Variants in DOCK8 observed in about 807,000 individuals in gnomAD.
DOCK8 encodes the protein dedicator of cytokinesis 8.
In DOCK8, 141 loss-of-function variants were observed where a neutral mutation model predicts 245.6. That is an observed-to-expected ratio of 0.57 (90% CI 0.50 to 0.66). The LOEUF (loss-of-function observed/expected upper bound fraction) is 0.66, where lower values mean the gene tolerates loss of function less well. Ranked by LOEUF, DOCK8 falls within the 30% of genes least tolerant of loss-of-function variation. DOCK8 has a pLI of 0.00. For synonymous variants in DOCK8, 1,168 were observed against 970.2 expected (o/e 1.20, Z -3.79); for missense variants, 2,965 against 2,603.4 (o/e 1.14, Z -3.02).
At chr9:341,756 T>G (rs1459474204) in intron 14 of DOCK8, among the ~76,000 whole-genome samples, 2 of 152,192 alleles carry the variant, frequency 1.3e-5, no homozygotes, top group Admixed American at 1.3e-4. Context: ...CTTGGCCTGT[T>G]AGGAACCAGG....
At chr9:372,933 G>C (rs908016439) in intron 18 of DOCK8, among the ~76,000 whole-genome samples, 6 of 152,142 alleles carry the variant, frequency 3.9e-5, no homozygotes, top group Non-Finnish European at 7.4e-5. Flanking sequence ...GGGAGGCCGA[G>C]GCAGGCAGAT....
chr9:372,043 C>T (rs535603906), intron 17 of DOCK8, 142 bp from the exon 18 acceptor site: 1 of 756,368 alleles, frequency 1.3e-6, no homozygotes, highest in African/African-American at 1.7e-5. Context: ...ATGCAAAGAA[C>T]TGGACAGAAA....
chr9:432,393 T>C, intron 37 of DOCK8, 69 bp downstream of exon 37: 14 of 1,356,896 alleles, frequency 1.0e-5, no homozygotes, highest in South Asian at 2.4e-5. Context: ...TATGTATGTA[T>C]GTACATATAT....
chr9:241,123 A>G (rs911744315), intron 1 of DOCK8, among the ~76,000 whole-genome samples: 52 of 152,190 alleles, frequency 3.4e-4, no homozygotes, highest in Admixed American at 3.4e-3. Context: ...ATAATTGTAC[A>G]TATTCATGGT....
At chr9:354,205 G>A (rs927747734) in intron 14 of DOCK8, among the ~76,000 whole-genome samples, 3 of 152,092 alleles carry the variant, frequency 2.0e-5, no homozygotes, top group East Asian at 1.9e-4. Flanking sequence ...GGTGACGGGC[G>A]CCTGTAGTCC....
At chr9:225,093 CCT>C (rs2046963051) in intron 1 of DOCK8, among the ~76,000 whole-genome samples, 1 of 152,158 alleles carries the variant, frequency 6.6e-6, no homozygotes, top group African/African-American at 2.4e-5. Flanking sequence ...TATTTTATTG[CCT>C]ATGACTTCCT....
intron 29 of DOCK8, among the ~76,000 whole-genome samples, 169 bp downstream of exon 29, chr9:415,120 CAA>C (rs373687394): frequency 6.6e-6 from 1 of 151,898 alleles, no homozygotes; most frequent in South Asian, 2.1e-4. Flanking sequence ...GTTAAAAAAA[CAA>C]AAAAAGTCAC....
chr9:393,819 G>A (rs765677098), intron 24 of DOCK8, among the ~76,000 whole-genome samples: 11 of 152,146 alleles, frequency 7.2e-5, no homozygotes, highest in South Asian at 2.1e-4. Flanking sequence ...CAGAGTTTCC[G>A]TTGCCCAAAA....
At chr9:438,942 A>G (rs1281460110) in intron 39 of DOCK8, among the ~76,000 whole-genome samples, 2 of 152,230 alleles carry the variant, frequency 1.3e-5, no homozygotes, top group Non-Finnish European at 2.9e-5. Context: ...CACCAGCCCT[A>G]TGTCCCTTAG....
In DOCK8 at chr9:340,361, C is replaced by G; in HGVS notation, c.1679+40C>G. On this transcript the variant is annotated intron_variant, in intron 14 of 47. Transcript: ENST00000432829. Reference sequence around the variant, plus strand: ...CTCGGGCTGGGCGTGGTGGCTTACACCATAATCCCATAACTTTGGGAGGCC... The same window carrying G: ...CTCGGGCTGGGCGTGGTGGCTTACAGCATAATCCCATAACTTTGGGAGGCC... 6 of 1,612,208 alleles carry G rather than the reference C, an allele frequency of 3.7e-6. No individual in the cohort carries two copies. In the African/African-American group the frequency reaches 4.0e-5, roughly 11 times the overall value.
chr9:250,400 G>T (rs1355545829), intron 1 of DOCK8, among the ~76,000 whole-genome samples: 1 of 152,156 alleles, frequency 6.6e-6, no homozygotes, highest in Non-Finnish European at 1.5e-5. Flanking sequence ...AACAATTAAA[G>T]AAACTGATCT....
intron 44 of DOCK8, among the ~76,000 whole-genome samples, chr9:449,122 A>C (rs7031707): frequency 6.6e-6 from 1 of 151,716 alleles, no homozygotes; most frequent in Non-Finnish European, 1.5e-5. Flanking sequence ...AGGCCGAGGC[A>C]GGGGGATTGC....
intron 1 of DOCK8, 131 bp from the exon 2 acceptor site, chr9:271,496 T>C: frequency 1.5e-6 from 1 of 689,554 alleles, no homozygotes; most frequent in Non-Finnish European, 2.5e-6. Flanking sequence ...ACTGAAAAGG[T>C]ATCTTAGTCA....
intron 24 of DOCK8, 37 bp from the exon 25 acceptor site, chr9:396,748 A>T: frequency 6.2e-7 from 1 of 1,613,792 alleles, no homozygotes. Flanking sequence ...CAGGTCACCA[A>T]TCTCCATGTT....
intron 35 of DOCK8, 39 bp downstream of exon 35, chr9:428,535 A>G (rs1356806602): frequency 1.2e-6 from 2 of 1,612,812 alleles, no homozygotes; most frequent in East Asian, 2.2e-5. Flanking sequence ...CTTAATTAAG[A>G]GTAAGATTCT....
intron 9 of DOCK8, among the ~76,000 whole-genome samples, chr9:329,212 A>G (rs933113329): frequency 2.0e-5 from 3 of 152,136 alleles, no homozygotes; most frequent in Non-Finnish European, 4.4e-5. Context: ...TTTGGTTCCC[A>G]AAGTGTTGGG....
At chr9:443,303 C>G (rs1313686441) in intron 42 of DOCK8, 124 bp from the exon 43 acceptor site, 1 of 932,800 alleles carries the variant, frequency 1.1e-6, no homozygotes. Context: ...CTCAGAGGAA[C>G]TCTCAATAAT....
intron 20 of DOCK8, among the ~76,000 whole-genome samples, 195 bp downstream of exon 20, chr9:377,406 T>TAAAA (rs1241443358): frequency 1.3e-5 from 2 of 152,156 alleles, no homozygotes; most frequent in East Asian, 3.8e-4. Context: ...AAAGAAACAT[T>TAAAA]AAAATAGGGT....
At chr9:214,005 C>T (rs140428543), upstream of DOCK8, 1,650 of 153,968 alleles carry the variant, frequency 0.011, 39 homozygotes, top group African/African-American at 0.038. Flanking sequence ...GGATCACAGG[C>T]GTGAGCCACC....
Sources: allele counts gnomAD v4.1 joint callset (sites outside exome capture counted in the v4.1 genomes callset), GRCh38; gene constraint gnomAD v4.1.1; transcripts MANE v1.5; gene names NCBI Gene and HGNC (gene_info 2026-07-23, HGNC 2026-07-21).